The following PIEZO2 variants were observed in gnomAD, a reference collection of about 807,000 sequenced individuals.
The protein encoded by PIEZO2 is piezo type mechanosensitive ion channel component 2.
PIEZO2 carries 172 observed loss-of-function variants against 337.3 expected under a neutral mutation model. The ratio of observed to expected loss-of-function variants is 0.51; its 90% CI spans 0.45 to 0.58. PIEZO2 has a LOEUF of 0.58. Ranked by LOEUF, PIEZO2 falls within the 20% of genes least tolerant of loss-of-function variation. The pLI, the probability that PIEZO2 is intolerant of heterozygous loss-of-function variation, is 0.00. For synonymous variants in PIEZO2, 1,251 were observed against 1,228.5 expected (o/e 1.02, Z -0.38); for missense variants, 3,028 against 3,391.3 (o/e 0.89, Z 2.66).
chr18:11,036,431 C>A (rs1568317064), intron 2 of PIEZO2, among the ~76,000 whole-genome samples: 1 of 152,134 alleles, frequency 6.6e-6, no homozygotes, highest in Non-Finnish European at 1.5e-5. Context: ...GCAACCCCAC[C>A]TCCCCCGGTA....
Position 11,030,820 on chromosome 18 carries a change from A to T in PIEZO2, c.160+35307T>A, listed in dbSNP as rs577723048. On this transcript the variant is annotated intron_variant, in intron 2 of 55. Transcript: ENST00000674853. ...AGCACCTAGACAAAAAGCAAAGTTTATCTATAAAAACAAGCATCTAGACAA... is the reference window on the plus strand; with the variant it reads ...AGCACCTAGACAAAAAGCAAAGTTTTTCTATAAAAACAAGCATCTAGACAA... Among the ~76,000 whole-genome samples the T allele has an allele frequency of 1.4e-4, 21 of 152,352 alleles. No homozygotes were observed. In the South Asian group the frequency reaches 4.1e-3, roughly 30 times the overall value.
At chr18:10,687,731 T>G (rs969511363) in intron 49 of PIEZO2, among the ~76,000 whole-genome samples, 3 of 152,182 alleles carry the variant, frequency 2.0e-5, no homozygotes, top group Non-Finnish European at 4.4e-5. Flanking sequence ...TCTCTTGGAA[T>G]GTGCTGCCAC....
At chr18:10,842,403 C>T (rs2041225571) in intron 7 of PIEZO2, among the ~76,000 whole-genome samples, 1 of 152,084 alleles carries the variant, frequency 6.6e-6, no homozygotes, top group Admixed American at 6.5e-5. Flanking sequence ...AGATTAATGC[C>T]CTCCATGAAG....
Position 11,077,484 on chromosome 18 carries a change from T to C in PIEZO2, c.65-11262A>G, listed in dbSNP as rs2038584586. 1.3e-5 allele frequency among the ~76,000 whole-genome samples: 2 copies of C among 151,858 alleles called. No homozygotes were observed. The highest frequency in any genetic ancestry group is 2.4e-5 in the African/African-American group (1 of 41,262). ...GAATTTGAGACCAACCTGGGCAACA[T>C]AGTGAGACCCCCATCTCCACACAAA... On this transcript the variant is annotated intron_variant, in intron 1 of 55. Coordinates refer to ENST00000674853, the MANE Select transcript of PIEZO2 (RefSeq NM_001378183.1). The surrounding 1 kb of genome is among the most constrained non-coding windows in gnomAD (Gnocchi z 4.8).
intron 35 of PIEZO2, among the ~76,000 whole-genome samples, chr18:10,732,751 A>G (rs894738741): frequency 1.3e-5 from 2 of 152,202 alleles, no homozygotes; most frequent in Non-Finnish European, 2.9e-5. Context: ...AATTTTTAGT[A>G]GATGTTTATT....
chr18:10,984,978 AT>A (rs1170493261), intron 2 of PIEZO2, among the ~76,000 whole-genome samples: 3 of 152,096 alleles, frequency 2.0e-5, no homozygotes, highest in Non-Finnish European at 2.9e-5. Context: ...CAAGAATACT[AT>A]ACCTGTCAAA....
intron 52 of PIEZO2, among the ~76,000 whole-genome samples, chr18:10,679,861 A>G (rs1273057558): frequency 2.0e-5 from 3 of 152,238 alleles, no homozygotes; most frequent in Non-Finnish European, 4.4e-5. Context: ...CCAATTGTAC[A>G]TTAAGCTAAT....
chr18:10,801,444 C>A lies in PIEZO2; in HGVS notation c.1201-16G>T, dbSNP rs1466761649. 1 of 1,499,056 alleles carries A rather than the reference C, an allele frequency of 6.7e-7. No individual in the cohort carries two copies. The highest frequency in any genetic ancestry group is 1.2e-5 in the South Asian group (1 of 83,232). The allele number at this position is 1,499,056 out of a possible 1,614,324, so 92.9% of individuals were successfully genotyped here. On this transcript the variant is annotated splice_polypyrimidine_tract_variant and intron_variant, in intron 9 of 55. Transcript: ENST00000674853. ...TGGATAAAAGCTGCAAAAAGCAATGCGGGAAAGCATGTTAGTAAGGAAGCT... is the reference window on the plus strand; with the variant it reads ...TGGATAAAAGCTGCAAAAAGCAATGAGGGAAAGCATGTTAGTAAGGAAGCT...
intron 10 of PIEZO2, among the ~76,000 whole-genome samples, chr18:10,800,740 C>G (rs1568073345): frequency 6.6e-6 from 1 of 152,240 alleles, no homozygotes; most frequent in African/African-American, 2.4e-5. Context: ...ACCTGCTGTC[C>G]TCAGTATGAA....
intron 2 of PIEZO2, among the ~76,000 whole-genome samples, chr18:11,018,382 CGTGTGTGTGTGTGTGT>C (rs376013388): frequency 5.1e-4 from 58 of 114,198 alleles, no homozygotes; most frequent in African/African-American, 1.3e-3. Flanking sequence ...CCCAACATGT[CGTGTGTGTGTGTGTGT>C]GTGTGTGTGT....
chr18:10,730,671 T>C (rs867529631), intron 36 of PIEZO2, among the ~76,000 whole-genome samples: 22 of 152,342 alleles, frequency 1.4e-4, no homozygotes, highest in Non-Finnish European at 2.8e-4. Context: ...GAGTGTTGTT[T>C]AAGTGTGCTT....
rs2033770205 is a variant in PIEZO2 at position 10,671,471 on chromosome 18, G to T, written c.*56C>A. The stretch of plus-strand genomic sequence containing the variant: ...AATGCTTAGCTCTTATGAGAATATT[G>T]TGCTTTTAAAAAAAATTCAAATGTT... On this transcript the variant is annotated 3_prime_UTR_variant, in exon 56 of 56. Transcript: ENST00000674853. The T allele has an allele frequency of 2.6e-6, 4 of 1,532,072 alleles. No individual in the cohort carries two copies. Among genetic ancestry groups the T allele is most frequent in the Non-Finnish European group, 3.5e-6 (4 of 1,130,492 alleles). 94.9% of individuals were successfully genotyped at this position (1,532,072 alleles called of 1,614,324 possible).
rs959248966 is a variant in PIEZO2, at chr18:11,009,766, G to A, written c.161-30106C>T. Reference sequence around the variant, plus strand: ...TTTAAAGAGGTAATTCAGGTAGCACGAGGTCATAGAGGTGGGCCTAATCCA... The same window carrying A: ...TTTAAAGAGGTAATTCAGGTAGCACAAGGTCATAGAGGTGGGCCTAATCCA... On this transcript the variant is annotated intron_variant, in intron 2 of 55. Coordinates refer to ENST00000674853, the MANE Select transcript of PIEZO2 (RefSeq NM_001378183.1). The surrounding 1 kb of genome is among the most constrained non-coding windows in gnomAD (Gnocchi z 4.6). Among the ~76,000 whole-genome samples, 1 of 152,070 alleles carries A rather than the reference G, an allele frequency of 6.6e-6. No homozygotes were observed. Among genetic ancestry groups the A allele is most frequent in the African/African-American group, 2.4e-5 (1 of 41,382 alleles).
At chr18:10,991,656 TC>T (rs1284709326) in intron 2 of PIEZO2, among the ~76,000 whole-genome samples, 1 of 152,174 alleles carries the variant, frequency 6.6e-6, no homozygotes, top group Non-Finnish European at 1.5e-5. Flanking sequence ...TGGTTCCAAG[TC>T]TTTGTTATCG....
rs2037593715 is a variant in PIEZO2, at chr18:10,750,223, T to C, written c.4168-36A>G. On this transcript the variant is annotated intron_variant, in intron 28 of 55. Coordinates refer to ENST00000674853, the MANE Select transcript of PIEZO2 (RefSeq NM_001378183.1). This position sits in a 1 kb window ranked among gnomAD's most constrained non-coding sequence, Gnocchi z 4.1. ...AAAGAGGGGGATAATCCTGAAGCTC[T>C]GCAGCCAGAAAAAAAAGTGGTGTTT... 2.1e-6 allele frequency: 3 copies of C among 1,457,312 alleles called. No homozygotes were observed. The highest frequency in any genetic ancestry group is 4.9e-5 in the East Asian group (2 of 40,502). 90.3% of individuals were successfully genotyped at this position (1,457,312 alleles called of 1,614,324 possible).
intron 4 of PIEZO2, among the ~76,000 whole-genome samples, chr18:10,891,335 G>T (rs1293610582): frequency 2.0e-5 from 3 of 152,078 alleles, no homozygotes; most frequent in African/African-American, 7.2e-5. Context: ...AAAAATAAAA[G>T]AAAGTGCATT....
chr18:10,880,082 G>A (rs191717084), intron 4 of PIEZO2, among the ~76,000 whole-genome samples: 256 of 152,240 alleles, frequency 1.7e-3, no homozygotes, highest in South Asian at 5.6e-3. Context: ...AAGCTGGTTG[G>A]TAGATACAAA....
intron 48 of PIEZO2, among the ~76,000 whole-genome samples, chr18:10,690,657 T>A (rs1275737860): frequency 6.6e-6 from 1 of 152,210 alleles, no homozygotes; most frequent in East Asian, 1.9e-4. Flanking sequence ...ACTGTCTCAC[T>A]TTTTATGCCG....
chr18:10,720,309 GTGTA>G (rs1359327106), intron 36 of PIEZO2, among the ~76,000 whole-genome samples: 2,342 of 129,750 alleles, frequency 0.018, 162 homozygotes, highest in African/African-American at 0.072. Flanking sequence ...CTCTCTCTGT[GTGTA>G]TATATATATA....
Sources: gnomAD v4.1 joint callset for allele counts (sites outside exome capture counted in the v4.1 genomes callset) on GRCh38, gnomAD v4.1.1 for gene constraint, Gnocchi (gnomAD v3.1) non-coding constraint, MANE v1.5 for transcripts, NCBI Gene and HGNC (gene_info 2026-07-23, HGNC 2026-07-21) for gene names.